The following SLC2A9 variants were observed in gnomAD, a reference collection of about 807,000 sequenced individuals.
SLC2A9 encodes the protein solute carrier family 2, facilitated glucose transporter member 9.
In SLC2A9, 39 loss-of-function variants were observed where a neutral mutation model predicts 50.6. That is an observed-to-expected ratio of 0.77 (90% confidence interval 0.60 to 1.01). SLC2A9 has a LOEUF of 1.01. SLC2A9 is among the 50% of genes least tolerant of loss of function. The pLI is 0.00. For missense variants in SLC2A9, 686 were observed against 677.6 expected (o/e 1.01, Z -0.14); for synonymous variants, 324 against 276.9 (o/e 1.17, Z -1.69).
intron 6 of SLC2A9, among the ~76,000 whole-genome samples, chr4:9,931,962 C>CTCTCTCTCTCTCTCTCTCTCTCTA (rs1560329576): frequency 1.4e-4 from 2 of 14,578 alleles, no homozygotes; most frequent in African/African-American, 3.8e-4. Flanking sequence ...CTCTCTCTCT[C>CTCTCTCTCTCTCTCTCTCTCTCTA]TATATATATA....
chr4:9,893,290 T>C (rs1737880503), intron 8 of SLC2A9, among the ~76,000 whole-genome samples: 1 of 151,984 alleles, frequency 6.6e-6, no homozygotes. Context: ...GGAGCCTTCA[T>C]CTTTGCTTTC....
chr4:9,996,382 G>C (rs144399790), intron 3 of SLC2A9, among the ~76,000 whole-genome samples: 1 of 152,184 alleles, frequency 6.6e-6, no homozygotes, highest in African/African-American at 2.4e-5. Context: ...TCCCTGCTCT[G>C]CTCTATGCCC....
chr4:9,873,055 T>C (rs929363484), intron 10 of SLC2A9, among the ~76,000 whole-genome samples: 3 of 152,232 alleles, frequency 2.0e-5, no homozygotes, highest in South Asian at 2.1e-4. Context: ...CATTCCCCTA[T>C]AGCCTTTTTG....
intron 2 of SLC2A9, among the ~76,000 whole-genome samples, chr4:10,014,641 C>T (rs1304046708): frequency 6.6e-6 from 1 of 152,250 alleles, no homozygotes; most frequent in African/African-American, 2.4e-5. Flanking sequence ...TGAGGCCCCA[C>T]TGACCTCCCC....
rs116746145 is a variant in SLC2A9, at chr4:9,848,294, C to T, written c.1292-13286G>A. Among the ~76,000 whole-genome samples the T allele has an allele frequency of 3.5e-3, 524 of 151,576 alleles. 4 individuals are homozygous for T. The highest frequency in any genetic ancestry group is 0.011 in the African/African-American group (474 of 41,232). The stretch of plus-strand genomic sequence containing the variant: ...CTTTTTCCCCTTCTACACAGCCCAA[C>T]CAGGTAGCCAGCATAAGTAACTACA... On this transcript the variant is annotated intron_variant, in intron 10 of 11. Coordinates refer to ENST00000264784, the MANE Select transcript of SLC2A9 (RefSeq NM_020041.3).
intron 10 of SLC2A9, chr4:9,879,131 G>A: frequency 2.0e-6 from 2 of 984,270 alleles, no homozygotes; most frequent in Non-Finnish European, 2.4e-6. Flanking sequence ...GATGTTAGGA[G>A]GACTGACCAA....
chr4:9,930,966 G>A, intron 6 of SLC2A9, among the ~76,000 whole-genome samples: 1 of 152,200 alleles, frequency 6.6e-6, no homozygotes, highest in East Asian at 1.9e-4. Flanking sequence ...AGGCTGTGTA[G>A]ATGATTGGAA....
In SLC2A9 at chr4:9,890,602, C is replaced by T. The variant is rs187946156; in HGVS notation, c.1215+8G>A. ...TCTCCCTCAAATGTGACAAGAACAT[C>T]GTCTCACCTGCAGGGTCAGCGTGAT... is the stretch of plus-strand genomic sequence containing the variant. On this transcript the variant is annotated splice_region_variant and intron_variant, in intron 9 of 11. Transcript: ENST00000264784. 2.0e-4 allele frequency: 325 copies of T among 1,613,406 alleles called. 1 individual carries two copies. In the African/African-American group the frequency reaches 3.9e-3, roughly 19 times the overall value.
chr4:10,026,020 A>G, upstream of SLC2A9: 2 of 1,587,208 alleles, frequency 1.3e-6, no homozygotes, highest in Non-Finnish European at 1.7e-6. Flanking sequence ...AGAAAGAGAA[A>G]AAGAAAGAAG....
intron 3 of SLC2A9, among the ~76,000 whole-genome samples, chr4:9,809,852 CTT>C (rs367720738): frequency 1.9e-4 from 26 of 139,960 alleles, no homozygotes; most frequent in Admixed American, 3.6e-4. Flanking sequence ...GTTTTCTTTT[CTT>C]TTTTTTTTTT....
chr4:9,890,451 ACCC>A (rs762769065), intron 9 of SLC2A9, among the ~76,000 whole-genome samples, 156 bp downstream of exon 9: 4 of 152,100 alleles, frequency 2.6e-5, no homozygotes, highest in Non-Finnish European at 5.9e-5. Flanking sequence ...CTTCACTGAG[ACCC>A]TCAGCAGCTC....
intron 1 of SLC2A9, among the ~76,000 whole-genome samples, chr4:10,030,169 T>TTAA (rs1332439376): frequency 1.3e-5 from 2 of 152,140 alleles, no homozygotes; most frequent in African/African-American, 4.8e-5. Flanking sequence ...ATGAGCATAG[T>TTAA]TAATAATAAT....
At chr4:9,822,131 T>A (rs534714350), downstream of SLC2A9, among the ~76,000 whole-genome samples, 1 of 152,318 alleles carries the variant, frequency 6.6e-6, no homozygotes, top group Admixed American at 6.5e-5. Context: ...CCTCTCTTTT[T>A]CTCCCTCCAT....
At position 9,980,743 on chromosome 4, in the gene SLC2A9, G is replaced by C. The variant is rs767251565; in HGVS notation, c.536-6C>G. On this transcript the variant is annotated splice_polypyrimidine_tract_variant and splice_region_variant and intron_variant, in intron 4 of 11. Transcript: ENST00000264784. Reference sequence around the variant, plus strand: ...GAGCACACTGAGGGCGACGCCTGTAGAGAGAAAGCATAGCAGCAGTTAGAG... The same window carrying C: ...GAGCACACTGAGGGCGACGCCTGTACAGAGAAAGCATAGCAGCAGTTAGAG... 1 of 1,614,148 alleles carries C rather than the reference G, an allele frequency of 6.2e-7. No individual in the cohort carries two copies. The highest frequency in any genetic ancestry group is 8.5e-7 in the Non-Finnish European group (1 of 1,179,976).
chr4:9,863,952 T>A (rs558427311), intron 10 of SLC2A9, among the ~76,000 whole-genome samples: 2 of 152,206 alleles, frequency 1.3e-5, no homozygotes, highest in East Asian at 3.9e-4. Flanking sequence ...TCAAAGACTG[T>A]GATGCCTGCA....
At chr4:9,844,650 C>A (rs528412919) in intron 10 of SLC2A9, among the ~76,000 whole-genome samples, 3 of 152,374 alleles carry the variant, frequency 2.0e-5, no homozygotes, top group Admixed American at 6.5e-5. Flanking sequence ...TACAGCTCAG[C>A]TGGTCTAACA....
intron 7 of SLC2A9, among the ~76,000 whole-genome samples, chr4:9,917,947 A>G (rs1743184650): frequency 6.6e-6 from 1 of 152,150 alleles, no homozygotes; most frequent in Non-Finnish European, 1.5e-5. Flanking sequence ...AGTTTGGTAC[A>G]AAGTGTCTGG....
intron 6 of SLC2A9, among the ~76,000 whole-genome samples, chr4:9,930,347 A>G (rs1745676191): frequency 6.6e-6 from 1 of 152,222 alleles, no homozygotes; most frequent in South Asian, 2.1e-4. Context: ...TCACAGGCCC[A>G]GGGTGAAAAA....
intron 5 of SLC2A9, among the ~76,000 whole-genome samples, chr4:9,944,252 C>T (rs1045787564): frequency 6.6e-6 from 1 of 152,188 alleles, no homozygotes; most frequent in African/African-American, 2.4e-5. Flanking sequence ...GGCTTTGCTG[C>T]CTTTCCATGG....
Sources: gnomAD v4.1 joint callset for allele counts (sites outside exome capture counted in the v4.1 genomes callset) on GRCh38, gnomAD v4.1.1 for gene constraint, MANE v1.5 for transcripts, NCBI Gene and HGNC (gene_info 2026-07-23, HGNC 2026-07-21) for gene names.